RBFOX1: variants seen among roughly 807,000 people sequenced by gnomAD.
RBFOX1 encodes RNA binding protein fox-1 homolog 1.
Under a neutral mutation model 57.7 loss-of-function variants are expected in RBFOX1, and 8 were observed. The observed-to-expected ratio is 0.14, with a 90% CI of 0.08 to 0.25. The LOEUF is 0.25. Ranked by LOEUF, RBFOX1 falls within the 10% of genes least tolerant of loss-of-function variation. The pLI is 1.00. For synonymous variants in RBFOX1, 326 were observed against 222.4 expected (o/e 1.47, Z -4.15); for missense variants, 611 against 548.5 (o/e 1.11, Z -1.14).
intron 2 of RBFOX1, among the ~76,000 whole-genome samples, chr16:5,486,387 C>T (rs930083076): frequency 2.6e-5 from 4 of 152,138 alleles, no homozygotes; most frequent in African/African-American, 7.2e-5. Flanking sequence ...GGAGAGGAGC[C>T]GAGGGGACCA....
intron 2 of RBFOX1, among the ~76,000 whole-genome samples, chr16:6,364,623 A>G (rs1158044329): frequency 1.3e-5 from 2 of 152,242 alleles, no homozygotes; most frequent in Non-Finnish European, 2.9e-5. Context: ...ATGGTCATAT[A>G]GAGGATCTTT....
chr16:6,015,404 C>T (rs138897946), upstream of RBFOX1, among the ~76,000 whole-genome samples: 5 of 152,308 alleles, frequency 3.3e-5, no homozygotes, highest in East Asian at 9.7e-4. Context: ...GCCCAGAGCA[C>T]TGGCAGTGGA....
intron 2 of RBFOX1, among the ~76,000 whole-genome samples, chr16:6,543,167 G>A (rs2096847682): frequency 6.6e-6 from 1 of 152,138 alleles, no homozygotes; most frequent in Non-Finnish European, 1.5e-5. Context: ...CATCCCTTAG[G>A]TGGAACATGG....
chr16:7,130,221 G>A (rs1267770503), intron 4 of RBFOX1, among the ~76,000 whole-genome samples: 2 of 151,840 alleles, frequency 1.3e-5, no homozygotes, highest in Admixed American at 6.6e-5. Context: ...TTTGGTAGAG[G>A]TGGAGTTTCG....
intron 1 of RBFOX1, among the ~76,000 whole-genome samples, chr16:5,400,186 G>C (rs182091943): frequency 6.6e-6 from 1 of 151,972 alleles, no homozygotes; most frequent in African/African-American, 2.4e-5. Context: ...CTGCCTCCCG[G>C]GTTCAAGCGA....
intron 1 of RBFOX1, among the ~76,000 whole-genome samples, chr16:5,372,750 T>C (rs2065890602): frequency 6.6e-6 from 1 of 152,230 alleles, no homozygotes; most frequent in South Asian, 2.1e-4. Context: ...TAAACTGTTA[T>C]TAGTTTGATT....
intron 3 of RBFOX1, among the ~76,000 whole-genome samples, chr16:5,637,578 G>C (rs546475658): frequency 1.3e-5 from 2 of 152,298 alleles, no homozygotes; most frequent in East Asian, 3.9e-4. Flanking sequence ...TTTAATTGCT[G>C]TTCATATGTT....
chr16:5,347,620 C>G (rs1201615608), intron 1 of RBFOX1, among the ~76,000 whole-genome samples: 1 of 150,932 alleles, frequency 6.6e-6, no homozygotes, highest in Non-Finnish European at 1.5e-5. Flanking sequence ...TCCCATCCCC[C>G]TATCAACACA....
At chr16:7,255,745 CAT>C (rs2094651203) in intron 4 of RBFOX1, among the ~76,000 whole-genome samples, 1 of 152,108 alleles carries the variant, frequency 6.6e-6, no homozygotes, top group African/African-American at 2.4e-5. Flanking sequence ...ATATATCCAA[CAT>C]ATTTCAATAT....
chr16:7,232,622 AC>A (rs2093565009), intron 4 of RBFOX1, among the ~76,000 whole-genome samples: 1 of 152,074 alleles, frequency 6.6e-6, no homozygotes, highest in African/African-American at 2.4e-5. Flanking sequence ...CGGGTGGATC[AC>A]CTGAGGTTGG....
intron 4 of RBFOX1, among the ~76,000 whole-genome samples, chr16:7,364,815 T>C (rs1277568253): frequency 2.6e-5 from 4 of 152,180 alleles, no homozygotes; most frequent in African/African-American, 9.6e-5. Flanking sequence ...AGAGCTCCCA[T>C]TGTGAGGGCA....
chr16:6,342,917 T>G (rs1474489713), intron 2 of RBFOX1, among the ~76,000 whole-genome samples: 1 of 152,146 alleles, frequency 6.6e-6, no homozygotes, highest in African/African-American at 2.4e-5. Context: ...TGAAATCAGG[T>G]GCTTTGAATA....
intron 3 of RBFOX1, among the ~76,000 whole-genome samples, chr16:5,791,916 A>G (rs927025799): frequency 6.6e-6 from 1 of 152,152 alleles, no homozygotes; most frequent in African/African-American, 2.4e-5. Flanking sequence ...CAGCAAGATG[A>G]CTGAGGCCAC....
chr16:7,618,897 T>C (rs907916790), intron 10 of RBFOX1, among the ~76,000 whole-genome samples: 3 of 152,174 alleles, frequency 2.0e-5, no homozygotes, highest in African/African-American at 7.2e-5. Flanking sequence ...GACATATTGG[T>C]TTATGAAAAA....
At chr16:5,597,000 A>G (rs1288907320) in intron 2 of RBFOX1, among the ~76,000 whole-genome samples, 1 of 152,224 alleles carries the variant, frequency 6.6e-6, no homozygotes, top group Non-Finnish European at 1.5e-5. Context: ...TTCCATGACC[A>G]ATGTCTACTA....
intron 2 of RBFOX1, among the ~76,000 whole-genome samples, chr16:5,492,199 C>G (rs1197051627): frequency 2.0e-5 from 3 of 152,204 alleles, no homozygotes; most frequent in African/African-American, 7.2e-5. Context: ...ACTACCTACT[C>G]CTCTCTGCAG....
At chr16:6,610,307 T>TGGACCA (rs71145260) in intron 2 of RBFOX1, among the ~76,000 whole-genome samples, 27,308 of 152,052 alleles carry the variant, frequency 0.18, 2,969 homozygotes, top group Middle Eastern at 0.25. Context: ...GAAACTCATC[T>TGGACCA]GGACCAGGGA....
chr16:7,555,211 A>G (rs1478026639), intron 5 of RBFOX1, among the ~76,000 whole-genome samples: 1 of 152,180 alleles, frequency 6.6e-6, no homozygotes, highest in Non-Finnish European at 1.5e-5. Flanking sequence ...AACAGAAATC[A>G]TTTCACTTTT....
At position 6,816,422 on chromosome 16, in the gene RBFOX1, ATTTTTTT is replaced by A. The variant is rs34666559; in HGVS notation, c.-16+161784_-16+161790del. 5.3e-4 allele frequency among the ~76,000 whole-genome samples: 74 copies of A among 140,754 alleles called. 1 individual carries two copies. The East Asian group carries it at 0.014, about 28-fold the overall frequency. 92.3% of individuals were successfully genotyped at this position (140,754 alleles called of 152,430 possible). Reference sequence around the variant, plus strand: ...GTTGCCAGACTGGCCCCTTCATGTAATTTTTTTTTTTTTTTTTTAAAGAAACAGGGTC... The same window carrying A: ...GTTGCCAGACTGGCCCCTTCATGTAATTTTTTTTTTTAAAGAAACAGGGTC... On this transcript the variant is annotated intron_variant, in intron 3 of 15. Coordinates refer to ENST00000550418, the MANE Select transcript of RBFOX1 (RefSeq NM_018723.4).
Sources: allele counts gnomAD v4.1 joint callset (sites outside exome capture counted in the v4.1 genomes callset), GRCh38; gene constraint gnomAD v4.1.1; transcripts MANE v1.5; gene names NCBI Gene and HGNC (gene_info 2026-07-23, HGNC 2026-07-21).